The following ZNF681 variants were observed in gnomAD, a reference collection of about 807,000 sequenced individuals.
ZNF681 encodes zinc finger protein 681, also known as hypothetical protein FLJ31526.
ZNF681 carries 37 observed loss-of-function variants against 56.0 expected under a neutral mutation model. That is an observed-to-expected ratio of 0.66 (90% CI 0.51 to 0.87). ZNF681 has a LOEUF of 0.87. Ranked by LOEUF, ZNF681 falls within the 40% of genes least tolerant of loss-of-function variation. The pLI is 0.00. For synonymous variants in ZNF681, 225 were observed against 248.6 expected (o/e 0.91, Z 0.89); for missense variants, 741 against 744.9 (o/e 0.99, Z 0.06).
intron 3 of ZNF681, among the ~76,000 whole-genome samples, chr19:23,746,663 C>T (rs971237025): frequency 6.6e-6 from 1 of 152,198 alleles, no homozygotes; most frequent in Non-Finnish European, 1.5e-5. Flanking sequence ...ACATTGAGGA[C>T]TGCGTTGCAG....
Position 23,740,655 on chromosome 19 carries a change from T to A in ZNF681, c.*2957A>T, listed in dbSNP as rs1200368405. 6.6e-6 allele frequency: 1 copy of A among 152,028 alleles called. No homozygotes were observed. The highest frequency in any genetic ancestry group is 1.5e-5 in the Non-Finnish European group (1 of 68,006). 9.4% of individuals were successfully genotyped at this position (152,028 alleles called of 1,614,324 possible). On this transcript the variant is annotated 3_prime_UTR_variant, in exon 4 of 4. Transcript: ENST00000402377. ...ATGATTTAGGAAGCCCCCCTAGTACTCACCTAAATAAATGGGCTCAATCAA... is the reference window on the plus strand; with the variant it reads ...ATGATTTAGGAAGCCCCCCTAGTACACACCTAAATAAATGGGCTCAATCAA...
In ZNF681 at chr19:23,743,969, A is replaced by C. The variant is rs980106815; in HGVS notation, c.1581T>G (p.Ile527Met). 1 of 1,612,722 alleles carries C rather than the reference A, an allele frequency of 6.2e-7. No homozygotes were observed. The highest frequency in any genetic ancestry group is 8.5e-7 in the Non-Finnish European group (1 of 1,179,866). The change falls in exon 4 of 4, where the codon ATT becomes ATG. Residue 527 changes from isoleucine (I) to methionine (M), a missense_variant. By Grantham distance (10) the Ile-to-Met change is conservative. Coordinates refer to ENST00000402377, the MANE Select transcript of ZNF681 (RefSeq NM_138286.3). ...ATGTGTAGGGTTTCTCTCCAGTATG[A>C]ATTTTCTTATGTTCAGTAAGTTTTG... ...RSSKLTEHKKIHTGEKPYTCE... is the reference protein window; with the variant it reads ...RSSKLTEHKKMHTGEKPYTCE...
At chr19:23,753,526 A>G (rs1431907732) in intron 3 of ZNF681, among the ~76,000 whole-genome samples, 3 of 152,296 alleles carry the variant, frequency 2.0e-5, no homozygotes, top group Admixed American at 6.5e-5. Context: ...AAATAAATTT[A>G]AAAATATTTC....
In ZNF681 at chr19:23,740,519, T is replaced by A. The variant is rs958199375; in HGVS notation, c.*3093A>T. ...CAATTGATATGTTCCATCTCTGTCTTGAAGTTACAAACTAACTCCAACAGG... is the reference window on the plus strand; with the variant it reads ...CAATTGATATGTTCCATCTCTGTCTAGAAGTTACAAACTAACTCCAACAGG... On this transcript the variant is annotated 3_prime_UTR_variant, in exon 4 of 4. Transcript: ENST00000402377. 1.1e-4 allele frequency: 16 copies of A among 152,346 alleles called. No individual in the cohort carries two copies. The highest frequency in any genetic ancestry group is 3.8e-4 in the African/African-American group (16 of 41,582). 9.4% of individuals were successfully genotyped at this position (152,346 alleles called of 1,614,324 possible). A position where few individuals can be genotyped will look rare whatever the true frequency, so the allele number is the denominator to read the frequency against.
intron 3 of ZNF681, among the ~76,000 whole-genome samples, chr19:23,748,143 T>C (rs1968972542): frequency 6.6e-6 from 1 of 152,134 alleles, no homozygotes. Context: ...AAAAAGTAAC[T>C]ACACTACAAA....
intron 3 of ZNF681, among the ~76,000 whole-genome samples, chr19:23,748,311 G>A (rs960447918): frequency 6.6e-6 from 1 of 152,164 alleles, no homozygotes. Context: ...TGATCAAACA[G>A]CAAACTGTTT....
rs748220549 is a variant in ZNF681, at chr19:23,744,664, T to C, written c.886A>G (p.Thr296Ala). Reference sequence around the variant, plus strand: ...TGAATTATCTTATGTGTAGTAAGGGTTAAGGACTGATTAAAGGCTTTGTCA... The same window carrying C: ...TGAATTATCTTATGTGTAGTAAGGGCTAAGGACTGATTAAAGGCTTTGTCA... Reference protein sequence around the residue: ...ECDKAFNQSLTLTTHKIIHTR... With the variant: ...ECDKAFNQSLALTTHKIIHTR... The change falls in exon 4 of 4, where the codon ACC becomes GCC. Residue 296 changes from threonine to alanine, a missense_variant. Coordinates refer to ENST00000402377, the MANE Select transcript of ZNF681 (RefSeq NM_138286.3). 6.3e-7 allele frequency: 1 copy of C among 1,596,450 alleles called. No individual in the cohort carries two copies. Among genetic ancestry groups the C allele is most frequent in the South Asian group, 1.1e-5 (1 of 90,092 alleles).
At chr19:23,758,494 G>T (rs1355281471) in intron 1 of ZNF681, among the ~76,000 whole-genome samples, 1 of 152,224 alleles carries the variant, frequency 6.6e-6, no homozygotes, top group African/African-American at 2.4e-5. Flanking sequence ...GCACAATCTG[G>T]GAGAGACCCG....
chr19:23,748,821 A>T (rs1202907150), intron 3 of ZNF681, among the ~76,000 whole-genome samples: 1 of 152,202 alleles, frequency 6.6e-6, no homozygotes, highest in Non-Finnish European at 1.5e-5. Context: ...ACGTGAAAAA[A>T]ACTCAAACCA....
In ZNF681 at chr19:23,745,301, T is replaced by C. The variant is rs1968929298; in HGVS notation, c.249A>G (p.Gln83=). The C allele has an allele frequency of 4.5e-6, 7 of 1,558,030 alleles. No homozygotes were observed. The highest frequency in any genetic ancestry group is 6.0e-6 in the Non-Finnish European group (7 of 1,157,724). The change falls in exon 4 of 4, where the codon CAA becomes CAG. Residue 83 remains glutamine (Q), a synonymous_variant. Transcript: ENST00000402377. ...EPPVICSHFA[Q]DFSPEQNIKD... is the part of the protein sequence containing the mutation. ...TTATGTTCTGCTCTGGTGAAAAGTC[T>C]TGGGCAAAATGAGAACAAATAACTG...
In ZNF681 at chr19:23,756,901, C is replaced by T. The variant is rs562547917; in HGVS notation, c.4-1350G>A. On this transcript the variant is annotated intron_variant, in intron 1 of 3. Transcript: ENST00000402377. Reference sequence around the variant, plus strand: ...TTATTTTTTTTTTGAGTTGGAGTCTCGCTCTGTCACCCAAGCTGGAGTGCC... The same window carrying T: ...TTATTTTTTTTTTGAGTTGGAGTCTTGCTCTGTCACCCAAGCTGGAGTGCC... Among the ~76,000 whole-genome samples, 31 of 151,832 alleles carry T rather than the reference C, an allele frequency of 2.0e-4. 1 individual carries two copies. In the East Asian group the frequency reaches 2.7e-3, roughly 13 times the overall value.
Position 23,740,850 on chromosome 19 carries a change from A to G in ZNF681, c.*2762T>C, listed in dbSNP as rs1025231611. On this transcript the variant is annotated 3_prime_UTR_variant, in exon 4 of 4. Transcript: ENST00000402377. The stretch of plus-strand genomic sequence containing the variant: ...AATTTTTTGCACTAATTTTATAAAA[A>G]TTATTTTTATAATCTCTGACCAGCT... 4 of 152,086 alleles carry G rather than the reference A, an allele frequency of 2.6e-5. No homozygotes were observed. The highest frequency in any genetic ancestry group is 5.9e-5 in the Non-Finnish European group (4 of 68,000). The allele number at this position is 152,086 out of a possible 1,614,324, so 9.4% of individuals were successfully genotyped here.
At chr19:23,758,557 C>T (rs1969160872) in intron 1 of ZNF681, among the ~76,000 whole-genome samples, 190 bp downstream of exon 1, 1 of 152,208 alleles carries the variant, frequency 6.6e-6, no homozygotes, top group African/African-American at 2.4e-5. Flanking sequence ...GACACAGTCA[C>T]TGAGCAGGGA....
chr19:23,745,252 G>T lies in ZNF681; in HGVS notation c.298C>A (p.Pro100Thr). Residue 100 changes from proline to threonine, a missense_variant, in exon 4 of 4, where the codon CCA becomes ACA. Transcript: ENST00000402377. The stretch of plus-strand genomic sequence containing the variant: ...TGTTCACATTTTCCATATCTTCTTG[G>T]TGTCACTTTTTGGAAAGAATCTTTT... ...NIKDSFQKVT[P>T]RRYGKCEHEN... is the part of the protein sequence containing the mutation. The T allele has an allele frequency of 6.2e-7, 1 of 1,604,776 alleles. No individual in the cohort carries two copies. The highest frequency in any genetic ancestry group is 8.5e-7 in the Non-Finnish European group (1 of 1,177,626).
At chr19:23,756,464 A>G (rs1421276589) in intron 1 of ZNF681, among the ~76,000 whole-genome samples, 3 of 152,230 alleles carry the variant, frequency 2.0e-5, no homozygotes, top group African/African-American at 7.2e-5. Context: ...TGCAGCCATA[A>G]AAAAGAATGA....
intron 1 of ZNF681, among the ~76,000 whole-genome samples, chr19:23,758,387 G>C (rs367856251): frequency 1.3e-5 from 2 of 152,198 alleles, no homozygotes; most frequent in African/African-American, 4.8e-5. Flanking sequence ...TTTAATGAAA[G>C]GAAAGAGAGA....
chr19:23,755,431 A>C lies in ZNF681; in HGVS notation c.124T>G (p.Phe42Val). Reference protein sequence around the residue: ...VMLENYRNLVFLGIVVSKPDL... With the variant: ...VMLENYRNLVVLGIVVSKPDL... ...ATATTGAAGTTATCCTCACCCAAGA[A>C]GACCAGGTTTCTGTAGTTCTCTAAC... Residue 42 changes from phenylalanine to valine, a missense_variant, in exon 2 of 4, where the codon TTC (phenylalanine) becomes GTC (valine). Coordinates refer to ENST00000402377, the MANE Select transcript of ZNF681 (RefSeq NM_138286.3). The C allele has an allele frequency of 6.2e-7, 1 of 1,610,806 alleles. No homozygotes were observed. Among genetic ancestry groups the C allele is most frequent in the Non-Finnish European group, 8.5e-7 (1 of 1,178,432 alleles).
chr19:23,751,436 A>G (rs1390704639), intron 3 of ZNF681, among the ~76,000 whole-genome samples: 2 of 137,824 alleles, frequency 1.5e-5, no homozygotes, highest in Non-Finnish European at 3.0e-5. Flanking sequence ...AGATTGCGCC[A>G]TTGTACTTTA....
chr19:23,758,742 C>A lies in ZNF681; in HGVS notation c.3+5G>T. ...CTCTCGGGATGTCGGACCCGACATT[C>A]TCACCATTTCTAGGTTTCCGGGGGA... On this transcript the variant is annotated splice_donor_5th_base_variant and intron_variant, in intron 1 of 3. Coordinates refer to ENST00000402377, the MANE Select transcript of ZNF681 (RefSeq NM_138286.3). 1 of 1,614,246 alleles carries A rather than the reference C, an allele frequency of 6.2e-7. No individual in the cohort carries two copies. The highest frequency in any genetic ancestry group is 8.5e-7 in the Non-Finnish European group (1 of 1,180,046).
Sources: allele counts gnomAD v4.1 joint callset (sites outside exome capture counted in the v4.1 genomes callset), GRCh38; gene constraint gnomAD v4.1.1; transcripts MANE v1.5; gene names NCBI Gene and HGNC (gene_info 2026-07-23, HGNC 2026-07-21).